The following CCNL1 variants were observed in gnomAD, a reference collection of about 807,000 sequenced individuals.
CCNL1 encodes the protein cyclin-L1.
CCNL1 carries 13 observed loss-of-function variants against 60.6 expected under a neutral mutation model. The ratio of observed to expected loss-of-function variants is 0.21; its 90% CI spans 0.14 to 0.34. The LOEUF (loss-of-function observed/expected upper bound fraction) is 0.34. CCNL1 is among the 10% of genes least tolerant of loss of function. The probability of loss-of-function intolerance (pLI) is 1.00; values close to 1 mark genes in which losing one functional copy is unlikely to be tolerated. For synonymous variants in CCNL1, 270 were observed against 244.3 expected (o/e 1.10, Z -0.98); for missense variants, 481 against 664.3 (o/e 0.72, Z 3.03).
Position 157,153,654 on chromosome 3 carries a change from A to G in CCNL1, c.489-498T>C, listed in dbSNP as rs538822753. 170 of 153,032 alleles carry G rather than the reference A, an allele frequency of 1.1e-3. 8 individuals carry two copies. The South Asian group carries it at 0.033, about 29-fold the overall frequency. The allele number at this position is 153,032 out of a possible 1,614,324, so 9.5% of individuals were successfully genotyped here. ...TGACTGGTAAAACAAACAAACAAAC[A>G]AAACAACTAAAGTGCTCCTAAGATT... On this transcript the variant is annotated intron_variant, in intron 3 of 10. Transcript: ENST00000295926.
rs758542101 is a variant in CCNL1, at chr3:157,149,836, A to G, written c.1021T>C (p.Ser341Pro). 4 of 1,612,962 alleles carry G rather than the reference A, an allele frequency of 2.5e-6. No individual in the cohort carries two copies. The highest frequency in any genetic ancestry group is 2.2e-5 in the East Asian group (1 of 44,868). Residue 341 changes from serine to proline, a missense_variant and splice_region_variant, in exon 8 of 11, where the codon TCA becomes CCA. Around this residue, in one of 5 missense-constraint regions of CCNL1, gnomAD observed 75 missense variants for 129.6 expected, o/e 0.58. Coordinates refer to ENST00000295926, the MANE Select transcript of CCNL1 (RefSeq NM_020307.4). ...CATTTTAATTCTAAATACATCTTAC[A>G]TGGCTTGGAGGCTGGAGAAAATCCA... ...LGGFSPASKP[S>P]SPREVKAEEK...
At chr3:157,156,924 C>T in intron 3 of CCNL1, 4 of 1,289,586 alleles carry the variant, frequency 3.1e-6, no homozygotes, top group Non-Finnish European at 4.0e-6. Flanking sequence ...AAATGGTTCA[C>T]CAGTGGCCAA....
downstream of CCNL1, among the ~76,000 whole-genome samples, chr3:157,147,142 G>A (rs997681603): frequency 6.6e-6 from 1 of 152,024 alleles, no homozygotes; most frequent in African/African-American, 2.4e-5. Flanking sequence ...AAATCACTTG[G>A]AGCCAAGTCT....
At chr3:157,146,572 C>A (rs1049271098), downstream of CCNL1, 9 of 432,964 alleles carry the variant, frequency 2.1e-5, no homozygotes, top group African/African-American at 1.7e-4. Context: ...GCCAGGAGTT[C>A]GTGACCGACC....
At chr3:157,150,526 T>G (rs986751127) in intron 5 of CCNL1, 145 bp from the exon 6 acceptor site, 2 of 1,388,608 alleles carry the variant, frequency 1.4e-6, no homozygotes, top group African/African-American at 2.9e-5. Context: ...TAACAACTCT[T>G]AACTCAAAAA....
At chr3:157,152,309 A>G in intron 4 of CCNL1, 68 bp from the exon 5 acceptor site, 5 of 1,564,464 alleles carry the variant, frequency 3.2e-6, no homozygotes, top group East Asian at 2.3e-5. Flanking sequence ...GTTCAATGAA[A>G]AAAGTAATTG....
chr3:157,147,584 A>G lies in CCNL1; in HGVS notation c.*657T>C, dbSNP rs369384061. On this transcript the variant is annotated 3_prime_UTR_variant, in exon 11 of 11. Transcript: ENST00000295926. ...GGTTTAGTGCTAAAATATAACATTT[A>G]ATGTCACATTGTTGGGCGACTCCCA... 1.0e-6 allele frequency: 1 copy of G among 985,394 alleles called. No individual in the cohort carries two copies. 61.0% of individuals were successfully genotyped at this position (985,394 alleles called of 1,614,324 possible).
intron 3 of CCNL1, among the ~76,000 whole-genome samples, chr3:157,157,383 C>T (rs1043855781): frequency 1.3e-4 from 16 of 119,744 alleles, no homozygotes; most frequent in African/African-American, 5.7e-4. Flanking sequence ...CTAACATCAA[C>T]GAAGTAAACT....
intron 8 of CCNL1, 104 bp from the exon 9 acceptor site, chr3:157,149,700 GGTT>G: frequency 2.1e-6 from 3 of 1,451,318 alleles, no homozygotes; most frequent in Non-Finnish European, 2.8e-6. Flanking sequence ...CTTCCATGTT[GGTT>G]GACTGCCATG....
chr3:157,151,230 G>A, intron 5 of CCNL1: 1 of 985,384 alleles, frequency 1.0e-6, no homozygotes, highest in Non-Finnish European at 1.2e-6. Context: ...TCCAAAAGAA[G>A]CATGGCAGTC....
downstream of CCNL1, among the ~76,000 whole-genome samples, chr3:157,147,251 T>C (rs1737814903): frequency 6.6e-6 from 1 of 152,310 alleles, no homozygotes; most frequent in Non-Finnish European, 1.5e-5. Flanking sequence ...TTCCAAAATG[T>C]TGAAAAAAAT....
At chr3:157,159,683 C>T in intron 1 of CCNL1, 109 bp downstream of exon 1, 1 of 1,167,026 alleles carries the variant, frequency 8.6e-7, no homozygotes, top group Non-Finnish European at 1.2e-6. Context: ...AACGGGAAAG[C>T]CTGAAGGAAC....
chr3:157,148,823 T>C (rs537235801), intron 10 of CCNL1: 2 of 516,100 alleles, frequency 3.9e-6, no homozygotes, highest in East Asian at 3.2e-5. Flanking sequence ...GCAATTTTTA[T>C]AGTGTCCTAG....
intron 3 of CCNL1, chr3:157,153,364 A>G: frequency 2.2e-6 from 1 of 447,516 alleles, no homozygotes; most frequent in Non-Finnish European, 3.9e-6. Flanking sequence ...TAAAGGAACT[A>G]ACAATTCTGT....
At chr3:157,151,827 T>C in intron 5 of CCNL1, 1 of 1,142,222 alleles carries the variant, frequency 8.8e-7, no homozygotes, top group Admixed American at 4.5e-5. Context: ...GGATGAGAGC[T>C]TGCACTGGAT....
chr3:157,149,161 T>G, intron 10 of CCNL1, 126 bp downstream of exon 10: 2 of 666,564 alleles, frequency 3.0e-6, no homozygotes. Flanking sequence ...TCTCATAATT[T>G]GCCTCATACT....
chr3:157,156,088 CAA>C (rs1738599701), intron 3 of CCNL1, among the ~76,000 whole-genome samples: 1 of 152,154 alleles, frequency 6.6e-6, no homozygotes, highest in Non-Finnish European at 1.5e-5. Flanking sequence ...ACAAAAATTA[CAA>C]AGTCCAAACA....
chr3:157,159,990 G>T lies in CCNL1; in HGVS notation c.105C>A (p.Thr35=). ...SSSGTTTTTT[T]TTGGILIGDR... ...CGCCGATCAGGATCCCTCCCGTCGT[G>T]GTCGTCGTCGTGGTCGTCGTCCCGG... is the stretch of plus-strand genomic sequence containing the variant. Residue 35 remains threonine (T), a synonymous_variant, in exon 1 of 11, where the codon ACC becomes ACA. Coordinates refer to ENST00000295926, the MANE Select transcript of CCNL1 (RefSeq NM_020307.4). 1.3e-6 allele frequency: 2 copies of T among 1,580,682 alleles called. No homozygotes were observed. The highest frequency in any genetic ancestry group is 1.7e-6 in the Non-Finnish European group (2 of 1,163,370).
At chr3:157,144,685 C>G (rs1037757666), downstream of CCNL1, among the ~76,000 whole-genome samples, 2 of 152,216 alleles carry the variant, frequency 1.3e-5, no homozygotes, top group African/African-American at 2.4e-5. Context: ...AGTGATGCTC[C>G]CCTTCTCAAA....
Sources: gnomAD v4.1 joint callset for allele counts (sites outside exome capture counted in the v4.1 genomes callset) on GRCh38, gnomAD v4.1.1 for gene constraint, gnomAD v4.1.1 regional missense constraint, MANE v1.5 for transcripts, NCBI Gene and HGNC (gene_info 2026-07-23, HGNC 2026-07-21) for gene names.